Variants in MBNL2 observed in about 807,000 individuals in gnomAD.
MBNL2 encodes muscleblind-like protein 2.
MBNL2 carries 17 observed loss-of-function variants against 41.9 expected under a neutral mutation model. The ratio of observed to expected loss-of-function variants is 0.41; its 90% CI spans 0.28 to 0.61. The LOEUF (loss-of-function observed/expected upper bound fraction) is 0.61, where lower values mean the gene tolerates loss of function less well. Among genes scored for constraint, MBNL2 ranks in the 20% least tolerant of loss-of-function variants. MBNL2 has a pLI of 0.35. For missense variants in MBNL2, 336 were observed against 505.6 expected (o/e 0.66, Z 3.22); for synonymous variants, 195 against 182.9 (o/e 1.07, Z -0.53).
chr13:97,268,055 G>A lies in MBNL2; in HGVS notation c.-604-7577G>A, dbSNP rs1377072445. Among the ~76,000 whole-genome samples, 2 of 150,710 alleles carry A rather than the reference G, an allele frequency of 1.3e-5. No homozygotes were observed. The highest frequency in any genetic ancestry group is 2.4e-5 in the African/African-American group (1 of 40,822). ...AGGACCTTGGTGGTGGGGCCTAAGA[G>A]TGTGCTTTTCTTTTTTCTTTCCTTC... On this transcript the variant is annotated intron_variant, in intron 1 of 8. Coordinates refer to ENST00000679496, the MANE Select transcript of MBNL2 (RefSeq NM_001382683.1). This position sits in a 1 kb window ranked among gnomAD's most constrained non-coding sequence, Gnocchi z 4.6.
chr13:97,202,304 C>T, the MBNL2 span, among the ~76,000 whole-genome samples: 98 of 152,202 alleles, frequency 6.4e-4, no homozygotes, highest in Non-Finnish European at 1.3e-3. Context: ...TTTTCCATAA[C>T]GAAAAGTTAA....
At position 97,284,759 on chromosome 13, in the gene MBNL2, C is replaced by T. The variant is rs115380400; in HGVS notation, c.174+8350C>T. Among the ~76,000 whole-genome samples, 993 of 152,166 alleles carry T rather than the reference C, an allele frequency of 6.5e-3. 8 individuals carry two copies. The highest frequency in any genetic ancestry group is 0.022 in the African/African-American group (919 of 41,504). On this transcript the variant is annotated intron_variant, in intron 2 of 8. Coordinates refer to ENST00000679496, the MANE Select transcript of MBNL2 (RefSeq NM_001382683.1). ...CTCCAGAAAGTCTTTGGTACTGAAT[C>T]GAAGAAGGAATGATGACAAACTGGC...
At chr13:97,335,165 T>A (rs1213472189) in intron 3 of MBNL2, among the ~76,000 whole-genome samples, 1 of 152,212 alleles carries the variant, frequency 6.6e-6, no homozygotes, top group Non-Finnish European at 1.5e-5. Flanking sequence ...TCACCCTGTC[T>A]GAAAGTACTT....
the MBNL2 span, among the ~76,000 whole-genome samples, chr13:97,145,978 T>A: frequency 7.0e-6 from 1 of 142,036 alleles, no homozygotes; most frequent in African/African-American, 3.1e-5. Flanking sequence ...TCTTTTCTTT[T>A]CTTTTCTTTT....
At position 97,386,592 on chromosome 13, in the gene MBNL2, G is replaced by A. The variant is rs10459305; in HGVS notation, c.1049-4730G>A. 0.016 allele frequency among the ~76,000 whole-genome samples: 2,504 copies of A among 152,290 alleles called. 100 individuals are homozygous for A. The East Asian group carries it at 0.17, about 10-fold the overall frequency. On this transcript the variant is annotated intron_variant, in intron 8 of 8. Transcript: ENST00000679496. ...AAGGTTGGCTACCACTGCACTGTGA[G>A]TCAATGGCAGGCAATTCACTGAGGA...
chr13:97,213,395 A>G, the MBNL2 span, among the ~76,000 whole-genome samples: 1 of 152,132 alleles, frequency 6.6e-6, no homozygotes, highest in Non-Finnish European at 1.5e-5. Context: ...TTCTTTTTTT[A>G]AGTAAAAGAG....
chr13:97,364,488 T>C (rs1235552073), intron 7 of MBNL2, among the ~76,000 whole-genome samples: 1 of 152,184 alleles, frequency 6.6e-6, no homozygotes, highest in Non-Finnish European at 1.5e-5. Context: ...TCAGTCTTCT[T>C]AGGTTATTGG....
rs769425140 is a variant in MBNL2, at chr13:97,365,158, C to T, written c.1035C>T (p.Pro345=). ...IPTGSVLCMT[P]ATSIDNSEII... ...CAGGGTCAGTTTTGTGCATGACACC[C>T]GCTACCAGTATTGGTAGGTTTCAAC... is the stretch of plus-strand genomic sequence containing the variant. The change falls in exon 8 of 9, where the codon CCC becomes CCT. Residue 345 remains proline, a synonymous_variant. Coordinates refer to ENST00000679496, the MANE Select transcript of MBNL2 (RefSeq NM_001382683.1). The T allele has an allele frequency of 1.5e-5, 24 of 1,606,514 alleles. No homozygotes were observed. The highest frequency in any genetic ancestry group is 6.7e-5 in the Admixed American group (4 of 59,976).
chr13:97,393,758 C>T lies in MBNL2; in HGVS notation c.*2309C>T, dbSNP rs1422114432. On this transcript the variant is annotated 3_prime_UTR_variant, in exon 9 of 9. Coordinates refer to ENST00000679496, the MANE Select transcript of MBNL2 (RefSeq NM_001382683.1). Reference sequence around the variant, plus strand: ...CAAAAGTTTGTTTATATTCAGAAGTCTGACTATGATGAATAAATCTTAAAT... The same window carrying T: ...CAAAAGTTTGTTTATATTCAGAAGTTTGACTATGATGAATAAATCTTAAAT... 6.6e-6 allele frequency: 1 copy of T among 152,390 alleles called. No homozygotes were observed. Among genetic ancestry groups the T allele is most frequent in the East Asian group, 1.9e-4 (1 of 5,192 alleles). 9.4% of individuals were successfully genotyped at this position (152,390 alleles called of 1,614,324 possible). A position where few individuals can be genotyped will look rare whatever the true frequency, so the allele number is the denominator to read the frequency against.
intron 3 of MBNL2, among the ~76,000 whole-genome samples, chr13:97,340,944 C>G (rs2061396710): frequency 6.6e-6 from 1 of 152,128 alleles, no homozygotes; most frequent in Non-Finnish European, 1.5e-5. Flanking sequence ...AAGCAAAGTA[C>G]AACCCGTATT....
chr13:97,147,465 T>C, the MBNL2 span, among the ~76,000 whole-genome samples: 2 of 152,192 alleles, frequency 1.3e-5, 1 homozygote, highest in South Asian at 4.1e-4. Flanking sequence ...GCTTTGATCA[T>C]CTGGAATGAT....
the MBNL2 span, among the ~76,000 whole-genome samples, chr13:97,215,005 C>G: frequency 2.6e-5 from 4 of 152,368 alleles, no homozygotes; most frequent in East Asian, 5.8e-4. Context: ...GATCACTCAG[C>G]CCCTGCCTCA....
At chr13:97,318,405 A>C (rs2059231356) in intron 2 of MBNL2, among the ~76,000 whole-genome samples, 1 of 152,174 alleles carries the variant, frequency 6.6e-6, no homozygotes, top group African/African-American at 2.4e-5. Context: ...CTCAGGCCTC[A>C]GTTCTCTGTC....
chr13:97,150,276 T>C, the MBNL2 span, among the ~76,000 whole-genome samples: 1 of 152,216 alleles, frequency 6.6e-6, no homozygotes, highest in Non-Finnish European at 1.5e-5. Flanking sequence ...CCTCACTTTT[T>C]GGAGCTGAAA....
At chr13:97,308,574 TA>T (rs2058320839) in intron 2 of MBNL2, among the ~76,000 whole-genome samples, 1 of 152,218 alleles carries the variant, frequency 6.6e-6, no homozygotes, top group Non-Finnish European at 1.5e-5. Flanking sequence ...CCAACAATCT[TA>T]AATCTTACAC....
intron 2 of MBNL2, among the ~76,000 whole-genome samples, chr13:97,319,547 CG>C (rs1471429127): frequency 4.6e-5 from 7 of 152,150 alleles, no homozygotes; most frequent in Admixed American, 1.3e-4. Context: ...ACCCGTGTCA[CG>C]GGTGAGACTC....
intron 2 of MBNL2, among the ~76,000 whole-genome samples, chr13:97,311,367 CTG>C (rs2058595398): frequency 6.6e-6 from 1 of 152,050 alleles, no homozygotes; most frequent in African/African-American, 2.4e-5. Flanking sequence ...AAATATGAAA[CTG>C]TCAAAAATGA....
chr13:97,159,558 A>T, the MBNL2 span, among the ~76,000 whole-genome samples: 5 of 151,646 alleles, frequency 3.3e-5, no homozygotes, highest in East Asian at 3.9e-4. Flanking sequence ...CCATGTTTAG[A>T]GCTTCCTTCA....
chr13:97,218,785 G>GA (rs1317808602), upstream of MBNL2, among the ~76,000 whole-genome samples: 1 of 151,668 alleles, frequency 6.6e-6, no homozygotes, highest in East Asian at 1.9e-4. Flanking sequence ...AGAGAAAAAA[G>GA]AAAAAAGATT....
Sources: allele counts gnomAD v4.1 joint callset (sites outside exome capture counted in the v4.1 genomes callset), GRCh38; gene constraint gnomAD v4.1.1; non-coding constraint Gnocchi (gnomAD v3.1); transcripts MANE v1.5; gene names NCBI Gene and HGNC (gene_info 2026-07-23, HGNC 2026-07-21).